KPNA4: variants seen among roughly 807,000 people sequenced by gnomAD.
The protein encoded by KPNA4 is karyopherin subunit alpha 4.
In KPNA4, 13 loss-of-function variants were observed where a neutral mutation model predicts 71.3. That is an observed-to-expected ratio of 0.18 (90% CI 0.12 to 0.29). KPNA4 has a LOEUF of 0.29. Among genes scored for constraint, KPNA4 ranks in the 10% least tolerant of loss-of-function variants. The pLI, the probability that KPNA4 is intolerant of heterozygous loss-of-function variation, is 1.00. For missense variants in KPNA4, 334 were observed against 603.2 expected (o/e 0.55, Z 4.67); for synonymous variants, 189 against 195.2 (o/e 0.97, Z 0.26).
At position 160,500,399 on chromosome 3, in the gene KPNA4, A is replaced by C. The variant is rs1314090962; in HGVS notation, c.*1705T>G. On this transcript the variant is annotated 3_prime_UTR_variant, in exon 17 of 17. Transcript: ENST00000334256. ...GAATTACCAGTTGATTTTTAAACAC[A>C]AAGTAGATATAGATGCTAATGGTGG... 2.6e-5 allele frequency: 4 copies of C among 152,644 alleles called. No individual in the cohort carries two copies. The highest frequency in any genetic ancestry group is 4.8e-5 in the African/African-American group (2 of 41,478). The allele number at this position is 152,644 out of a possible 1,614,324, so 9.5% of individuals were successfully genotyped here.
intron 1 of KPNA4, among the ~76,000 whole-genome samples, chr3:160,542,842 T>G (rs1279547965): frequency 6.6e-6 from 1 of 152,168 alleles, no homozygotes; most frequent in African/African-American, 2.4e-5. Context: ...AAGAAATAAT[T>G]CTAGTCTATA....
rs980437659 is a variant in KPNA4, at chr3:160,497,568, C to G, written c.*4536G>C. ...AAGTTTAGGGAAAACTTTAAGTGTTCAAAATGTCAAGTTTGTTAGGCATCA... is the reference window on the plus strand; with the variant it reads ...AAGTTTAGGGAAAACTTTAAGTGTTGAAAATGTCAAGTTTGTTAGGCATCA... On this transcript the variant is annotated 3_prime_UTR_variant, in exon 17 of 17. Transcript: ENST00000334256. 1 of 152,136 alleles carries G rather than the reference C, an allele frequency of 6.6e-6. No homozygotes were observed. The highest frequency in any genetic ancestry group is 2.4e-5 in the African/African-American group (1 of 41,418). The allele number at this position is 152,136 out of a possible 1,614,324, so 9.4% of individuals were successfully genotyped here.
chr3:160,521,871 C>T lies in KPNA4; in HGVS notation c.811G>A (p.Asp271Asn). 1.2e-6 allele frequency: 2 copies of T among 1,613,134 alleles called. No individual in the cohort carries two copies. Among genetic ancestry groups the T allele is most frequent in the Non-Finnish European group, 1.7e-6 (2 of 1,179,590 alleles). The change falls in exon 11 of 17, where the codon GAT (aspartate) becomes AAT (asparagine). Residue 271 changes from aspartate to asparagine, a missense_variant. By Grantham distance (23) the Asp-to-Asn change is conservative. Coordinates refer to ENST00000334256, the MANE Select transcript of KPNA4 (RefSeq NM_002268.5). ...DTVWALSYLT[D>N]AGNEQIQMVI... ...ATCTGTATTTGTTCATTGCCAGCAT[C>T]AGTAAGGTAAGAGAGGGCCCAGACT...
intron 5 of KPNA4, among the ~76,000 whole-genome samples, chr3:160,534,736 G>A (rs1050442199): frequency 0.04 from 3,515 of 87,446 alleles, 8 homozygotes; most frequent in Non-Finnish European, 0.055. Flanking sequence ...AAAAAAAAAA[G>A]AAATGTTCAA....
intron 2 of KPNA4, among the ~76,000 whole-genome samples, 170 bp downstream of exon 2, chr3:160,536,626 C>T (rs1317853022): frequency 6.6e-6 from 1 of 152,070 alleles, no homozygotes; most frequent in East Asian, 1.9e-4. Context: ...AAGAAAAATG[C>T]TTAGCAGTTG....
intron 1 of KPNA4, among the ~76,000 whole-genome samples, chr3:160,541,067 G>C (rs1475952900): frequency 6.6e-6 from 1 of 152,136 alleles, no homozygotes. Flanking sequence ...TTAAGCACTA[G>C]GGACTAAACA....
At chr3:160,521,562 C>T (rs1721349723) in intron 11 of KPNA4, among the ~76,000 whole-genome samples, 1 of 152,100 alleles carries the variant, frequency 6.6e-6, no homozygotes, top group Non-Finnish European at 1.5e-5. Flanking sequence ...GAGATCACGC[C>T]ACCTCACTCC....
chr3:160,504,414 G>C (rs187274464), intron 16 of KPNA4, among the ~76,000 whole-genome samples: 164 of 152,232 alleles, frequency 1.1e-3, no homozygotes, highest in African/African-American at 3.8e-3. Context: ...TTTCCAAAGA[G>C]GAAATACTAA....
At chr3:160,546,593 T>C (rs1442831006) in intron 1 of KPNA4, among the ~76,000 whole-genome samples, 1 of 152,134 alleles carries the variant, frequency 6.6e-6, no homozygotes, top group Non-Finnish European at 1.5e-5. Context: ...ATCAACTACA[T>C]CCAGTGTTGG....
chr3:160,538,710 G>C (rs186882495), intron 1 of KPNA4, among the ~76,000 whole-genome samples: 1 of 152,040 alleles, frequency 6.6e-6, no homozygotes, highest in Admixed American at 6.6e-5. Flanking sequence ...ACCACTGCTT[G>C]GACCTTAGCT....
intron 1 of KPNA4, among the ~76,000 whole-genome samples, chr3:160,562,321 T>C (rs940376994): frequency 6.6e-6 from 1 of 152,220 alleles, no homozygotes; most frequent in Non-Finnish European, 1.5e-5. Context: ...TTGGATATAC[T>C]GGATTAAGTT....
At chr3:160,557,361 T>C (rs1027105971) in intron 1 of KPNA4, among the ~76,000 whole-genome samples, 3 of 152,162 alleles carry the variant, frequency 2.0e-5, no homozygotes, top group African/African-American at 7.2e-5. Flanking sequence ...AGACATACTT[T>C]AAAAAACATA....
intron 1 of KPNA4, among the ~76,000 whole-genome samples, chr3:160,558,343 T>C (rs947264041): frequency 1.3e-5 from 2 of 152,206 alleles, no homozygotes; most frequent in African/African-American, 4.8e-5. Context: ...GTAAGCAAAA[T>C]GTTATTCTGA....
chr3:160,555,724 T>C (rs1029310509), intron 1 of KPNA4, among the ~76,000 whole-genome samples: 1 of 152,180 alleles, frequency 6.6e-6, no homozygotes, highest in South Asian at 2.1e-4. Flanking sequence ...CTTCATTTTA[T>C]AGCGGAACAA....
At chr3:160,513,958 T>C (rs1018939146) in intron 13 of KPNA4, 119 bp downstream of exon 13, 1 of 520,814 alleles carries the variant, frequency 1.9e-6, no homozygotes, top group African/African-American at 2.0e-5. Context: ...TACTTTACTA[T>C]ATTTATGCCA....
intron 15 of KPNA4, among the ~76,000 whole-genome samples, chr3:160,505,989 G>C (rs954963132): frequency 6.6e-6 from 1 of 151,884 alleles, no homozygotes; most frequent in Admixed American, 6.6e-5. Flanking sequence ...TTCTTATTTG[G>C]TGATAATCAA....
chr3:160,536,772 G>GTA (rs1310154008), intron 2 of KPNA4, 24 bp downstream of exon 2: 3 of 1,449,152 alleles, frequency 2.1e-6, no homozygotes, highest in Non-Finnish European at 2.9e-6. Context: ...ATGCTTAGAA[G>GTA]TACCCAATAT....
intron 1 of KPNA4, among the ~76,000 whole-genome samples, chr3:160,560,915 T>G (rs1281309537): frequency 6.6e-6 from 1 of 152,078 alleles, no homozygotes; most frequent in Non-Finnish European, 1.5e-5. Context: ...AGATTTGTGG[T>G]GAGAGAGATC....
Position 160,565,304 on chromosome 3 carries a change from C to T in KPNA4, c.-22G>A. On this transcript the variant is annotated 5_prime_UTR_variant, in exon 1 of 17. Transcript: ENST00000334256. Reference sequence around the variant, plus strand: ...CCATGGCCGGGCCGGTGACTCCTTCCCCCGCCCGGGCCCCGCGGGATCCGC... The same window carrying T: ...CCATGGCCGGGCCGGTGACTCCTTCTCCCGCCCGGGCCCCGCGGGATCCGC... 6.4e-7 allele frequency: 1 copy of T among 1,574,524 alleles called. No homozygotes were observed. The highest frequency in any genetic ancestry group is 8.6e-7 in the Non-Finnish European group (1 of 1,158,328).
Sources: allele counts gnomAD v4.1 joint callset (sites outside exome capture counted in the v4.1 genomes callset), GRCh38; gene constraint gnomAD v4.1.1; transcripts MANE v1.5; gene names NCBI Gene and HGNC (gene_info 2026-07-23, HGNC 2026-07-21).